Variants in TNNI3K observed in about 807,000 individuals in gnomAD.
TNNI3K encodes TNNI3 interacting kinase.
Under a neutral mutation model 114.5 loss-of-function variants are expected in TNNI3K, and 140 were observed. The ratio of observed to expected loss-of-function variants is 1.22; its 90% CI spans 1.07 to 1.41. The LOEUF (loss-of-function observed/expected upper bound fraction) is 1.41, where lower values mean the gene tolerates loss of function less well. Among genes scored for constraint, TNNI3K ranks in the 40% most tolerant of loss-of-function variants. The pLI, the probability that TNNI3K is intolerant of heterozygous loss-of-function variation, is 0.00. For missense variants in TNNI3K, 1,125 were observed against 1,007.6 expected, an observed-to-expected ratio of 1.12 and a Z score of -1.58; for synonymous variants, 347 against 347.5, an observed-to-expected ratio of 1.00 and a Z score of 0.02.
At chr1:74,291,308 A>G (rs1657663038) in intron 5 of TNNI3K, among the ~76,000 whole-genome samples, 1 of 151,636 alleles carries the variant, frequency 6.6e-6, no homozygotes, top group South Asian at 2.1e-4. Context: ...ATGAAATCAA[A>G]GGCATATTTT....
chr1:74,514,162 G>T (rs1299095404), intron 23 of TNNI3K, among the ~76,000 whole-genome samples: 1 of 152,154 alleles, frequency 6.6e-6, no homozygotes, highest in Non-Finnish European at 1.5e-5. Context: ...ATTTTATAGA[G>T]CATTTAAAGC....
intron 21 of TNNI3K, among the ~76,000 whole-genome samples, chr1:74,467,017 G>A (rs1279777712): frequency 1.3e-5 from 2 of 152,086 alleles, no homozygotes; most frequent in South Asian, 2.1e-4. Flanking sequence ...AATACTACTC[G>A]CAAGTTGGGG....
chr1:74,262,674 T>C (rs1254697939), intron 4 of TNNI3K, among the ~76,000 whole-genome samples: 1 of 152,110 alleles, frequency 6.6e-6, no homozygotes, highest in Non-Finnish European at 1.5e-5. Context: ...TACTCATAAA[T>C]TACAGCAATC....
chr1:74,463,333 G>A (rs535350181), intron 20 of TNNI3K, 108 bp from the exon 21 acceptor site: 43 of 1,165,608 alleles, frequency 3.7e-5, no homozygotes, highest in Admixed American at 8.8e-5. Flanking sequence ...AATGTCTGCT[G>A]ATGTTGCTCA....
rs1395995630 is a variant in TNNI3K at position 74,311,477 on chromosome 1, A to G, written c.445-19973A>G. 3.3e-5 allele frequency among the ~76,000 whole-genome samples: 5 copies of G among 152,282 alleles called. No individual in the cohort carries two copies. The East Asian group carries it at 7.7e-4, about 23-fold the overall frequency. On this transcript the variant is annotated intron_variant, in intron 5 of 24. Coordinates refer to ENST00000326637, the MANE Select transcript of TNNI3K (RefSeq NM_015978.3). ...CTAGGGCTAGGATTCCATATGTAACATCTTGTATTTTTCTATGAAAATAGC... is the reference window on the plus strand; with the variant it reads ...CTAGGGCTAGGATTCCATATGTAACGTCTTGTATTTTTCTATGAAAATAGC...
intron 6 of TNNI3K, among the ~76,000 whole-genome samples, chr1:74,331,850 A>G (rs1404592708): frequency 6.6e-6 from 1 of 152,148 alleles, no homozygotes. Context: ...GGTGTAGGTT[A>G]TGTAATCCCT....
At chr1:74,481,886 A>G (rs1570679887) in intron 21 of TNNI3K, among the ~76,000 whole-genome samples, 2 of 152,266 alleles carry the variant, frequency 1.3e-5, no homozygotes, top group East Asian at 3.9e-4. Context: ...AGAATAGTCA[A>G]CCCCAGGGAA....
At chr1:74,487,655 C>T (rs10493543) in intron 21 of TNNI3K, among the ~76,000 whole-genome samples, 11,365 of 151,540 alleles carry the variant, frequency 0.075, 999 homozygotes, top group African/African-American at 0.22. Context: ...TGAGTGACAG[C>T]GAAAAGATGA....
chr1:74,377,190 G>A (rs1287610182), intron 17 of TNNI3K: 1 of 152,048 alleles, frequency 6.6e-6, no homozygotes, highest in Non-Finnish European at 1.5e-5. Context: ...CCAGAGTAAA[G>A]TGGGAATATT....
At chr1:74,303,901 C>T (rs1658472445) in intron 5 of TNNI3K, among the ~76,000 whole-genome samples, 1 of 152,090 alleles carries the variant, frequency 6.6e-6, no homozygotes, top group Non-Finnish European at 1.5e-5. Flanking sequence ...GGATTTAAGA[C>T]TTCAGTGGAG....
chr1:74,252,242 T>G (rs1178113976), intron 4 of TNNI3K, among the ~76,000 whole-genome samples: 1 of 152,234 alleles, frequency 6.6e-6, no homozygotes, highest in East Asian at 1.9e-4. Context: ...ATAATTAAAT[T>G]TCCACTTTTA....
chr1:74,321,345 T>A (rs1424796253), intron 5 of TNNI3K, among the ~76,000 whole-genome samples: 1 of 152,174 alleles, frequency 6.6e-6, no homozygotes, highest in Non-Finnish European at 1.5e-5. Flanking sequence ...GTTCTCTGCT[T>A]CTTAGATGAG....
At chr1:74,542,665 C>G (rs1646740023) in intron 24 of TNNI3K, among the ~76,000 whole-genome samples, 1 of 152,170 alleles carries the variant, frequency 6.6e-6, no homozygotes, top group Non-Finnish European at 1.5e-5. Flanking sequence ...TATTTCGATC[C>G]AACTGCATAC....
chr1:74,351,747 A>C (rs1661354789), intron 9 of TNNI3K, among the ~76,000 whole-genome samples: 1 of 151,968 alleles, frequency 6.6e-6, no homozygotes, highest in Non-Finnish European at 1.5e-5. Flanking sequence ...CCTTTCTTCC[A>C]GTTGATCGCA....
chr1:74,461,260 CA>C (rs1667442095), intron 20 of TNNI3K, among the ~76,000 whole-genome samples: 1 of 152,130 alleles, frequency 6.6e-6, no homozygotes. Flanking sequence ...GCAGGAGGAT[CA>C]CGAGGTCAGG....
intron 4 of TNNI3K, among the ~76,000 whole-genome samples, chr1:74,258,702 T>G (rs1655479979): frequency 6.6e-6 from 1 of 152,180 alleles, no homozygotes; most frequent in Admixed American, 6.5e-5. Flanking sequence ...AACTCCTAAA[T>G]ATGAGACTCA....
At chr1:74,464,174 C>T (rs148614402) in intron 21 of TNNI3K, among the ~76,000 whole-genome samples, 3 of 152,228 alleles carry the variant, frequency 2.0e-5, no homozygotes, top group South Asian at 4.2e-4. Context: ...CCAAACAATC[C>T]GCCTGCAAGA....
Position 74,375,654 on chromosome 1 carries a change from A to G in TNNI3K, c.1772+5262A>G, listed in dbSNP as rs1570542522. The G allele has an allele frequency of 6.6e-6, 3 of 454,160 alleles. No homozygotes were observed. The East Asian group carries it at 2.1e-4, about 32-fold the overall frequency. The allele number at this position is 454,160 out of a possible 1,614,324, so 28.1% of individuals were successfully genotyped here. A position where few individuals can be genotyped will look rare whatever the true frequency, so the allele number is the denominator to read the frequency against. ...GCCCCAGGAGACTGACTCAGCATCA[A>G]GAGGACAACTTTGACACCCTATGAT... On this transcript the variant is annotated intron_variant, in intron 17 of 24. Coordinates refer to ENST00000326637, the MANE Select transcript of TNNI3K (RefSeq NM_015978.3).
chr1:74,390,623 G>A (rs903260009), intron 17 of TNNI3K, among the ~76,000 whole-genome samples: 1 of 152,140 alleles, frequency 6.6e-6, no homozygotes, highest in African/African-American at 2.4e-5. Flanking sequence ...GATTAAGTAA[G>A]ATGGCAAAGG....
Sources: gnomAD v4.1 joint callset for allele counts (sites outside exome capture counted in the v4.1 genomes callset) on GRCh38, gnomAD v4.1.1 for gene constraint, MANE v1.5 for transcripts, NCBI Gene and HGNC (gene_info 2026-07-23, HGNC 2026-07-21) for gene names.